PDE7B: variants seen among roughly 807,000 people sequenced by gnomAD.
PDE7B encodes phosphodiesterase 7B.
Under a neutral mutation model 56.2 loss-of-function variants are expected in PDE7B, and 29 were observed. The observed-to-expected ratio is 0.52, with a 90% CI of 0.38 to 0.70. The LOEUF is 0.70. Ranked by LOEUF, PDE7B falls within the 30% of genes least tolerant of loss-of-function variation. The pLI, the probability that PDE7B is intolerant of heterozygous loss-of-function variation, is 0.00. For missense variants in PDE7B, 490 were observed against 565.0 expected (o/e 0.87, Z 1.35); for synonymous variants, 197 against 196.9 (o/e 1.00, Z 0.00).
chr6:135,928,906 G>A (rs936565412), intron 1 of PDE7B, among the ~76,000 whole-genome samples: 1 of 151,976 alleles, frequency 6.6e-6, no homozygotes, highest in African/African-American at 2.4e-5. Flanking sequence ...CCAAACCTCA[G>A]CATCATGCAA....
intron 2 of PDE7B, among the ~76,000 whole-genome samples, chr6:136,005,791 G>A (rs201114102): frequency 2.0e-5 from 3 of 152,320 alleles, no homozygotes; most frequent in East Asian, 3.9e-4. Flanking sequence ...GTGGAAGTCA[G>A]TGTGGCGATT....
intron 1 of PDE7B, among the ~76,000 whole-genome samples, chr6:135,918,982 A>G (rs564875584): frequency 4.1e-4 from 62 of 152,328 alleles, no homozygotes; most frequent in African/African-American, 1.4e-3. Flanking sequence ...TGCCTTATGT[A>G]TTCATTTTAA....
chr6:135,890,069 T>C (rs1775784224), intron 1 of PDE7B, among the ~76,000 whole-genome samples: 1 of 152,160 alleles, frequency 6.6e-6, no homozygotes, highest in South Asian at 2.1e-4. Flanking sequence ...ACTTTTTATA[T>C]CAGTCTCAGT....
At chr6:135,883,755 C>T (rs1049560052) in intron 1 of PDE7B, among the ~76,000 whole-genome samples, 1 of 152,192 alleles carries the variant, frequency 6.6e-6, no homozygotes, top group Non-Finnish European at 1.5e-5. Context: ...CACTGAATGT[C>T]CTGCACTGAC....
rs753589864 is a variant in PDE7B at position 136,151,264 on chromosome 6, T to A, written c.478+9T>A. ...CTTACACCGATTTTTAGGTAAGTCC[T>A]TTTTTTCACATTTCTAGCCCCATTC... On this transcript the variant is annotated intron_variant, in intron 6 of 12. Transcript: ENST00000308191. 9 of 1,388,694 alleles carry A rather than the reference T, an allele frequency of 6.5e-6. No homozygotes were observed. The Admixed American group carries it at 1.5e-4, about 23-fold the overall frequency. The allele number at this position is 1,388,694 out of a possible 1,614,324, so 86.0% of individuals were successfully genotyped here.
intron 1 of PDE7B, among the ~76,000 whole-genome samples, chr6:135,905,175 C>T (rs1220644677): frequency 2.6e-5 from 4 of 152,136 alleles, no homozygotes; most frequent in African/African-American, 9.7e-5. Flanking sequence ...AATAAAAGAA[C>T]TAAAAAATCA....
chr6:135,970,774 G>A (rs2128202823), intron 2 of PDE7B, among the ~76,000 whole-genome samples: 1 of 152,306 alleles, frequency 6.6e-6, no homozygotes, highest in South Asian at 2.1e-4. Context: ...ACATTCGTCA[G>A]GGCTGGAAAT....
At position 135,877,752 on chromosome 6, in the gene PDE7B, C is replaced by CAAA. The variant is rs75061563; in HGVS notation, c.21+25746_21+25748dup. 8.3e-3 allele frequency among the ~76,000 whole-genome samples: 739 copies of CAAA among 89,090 alleles called. 8 individuals are homozygous for CAAA. The highest frequency in any genetic ancestry group is 0.02 in the African/African-American group (701 of 34,298). The allele number at this position is 89,090 out of a possible 152,430, so 58.4% of individuals were successfully genotyped here. ...AGACCTCCAGGAAAACAAAACAAAA[C>CAAA]AAAAAAAAAAAAAAAGGGAGGGGCA... On this transcript the variant is annotated intron_variant, in intron 1 of 12. Coordinates refer to ENST00000308191, the MANE Select transcript of PDE7B (RefSeq NM_018945.4).
At chr6:135,988,251 C>T (rs1036644820) in intron 2 of PDE7B, among the ~76,000 whole-genome samples, 47 of 151,842 alleles carry the variant, frequency 3.1e-4, no homozygotes, top group African/African-American at 9.7e-4. Flanking sequence ...AAGGATTTGA[C>T]GTCTCTGTGG....
chr6:136,061,977 G>A (rs1254777512), intron 2 of PDE7B, among the ~76,000 whole-genome samples: 1 of 152,194 alleles, frequency 6.6e-6, no homozygotes, highest in Non-Finnish European at 1.5e-5. Flanking sequence ...TCCTTATGGA[G>A]CGTGCGATCT....
intron 1 of PDE7B, among the ~76,000 whole-genome samples, chr6:135,906,809 T>TG (rs1491477306): frequency 7.3e-6 from 1 of 137,834 alleles, no homozygotes; most frequent in Non-Finnish European, 1.5e-5. Context: ...TAATGAGGTT[T>TG]GTTTTTTTTT....
At chr6:136,103,273 G>T (rs1777593740) in intron 2 of PDE7B, among the ~76,000 whole-genome samples, 1 of 152,138 alleles carries the variant, frequency 6.6e-6, no homozygotes, top group Non-Finnish European at 1.5e-5. Flanking sequence ...AGCCATCTTG[G>T]CTCCCTCCTG....
chr6:135,923,802 A>G (rs183713929), intron 1 of PDE7B, among the ~76,000 whole-genome samples: 1 of 152,314 alleles, frequency 6.6e-6, no homozygotes, highest in Admixed American at 6.5e-5. Flanking sequence ...TACTTGTAAA[A>G]TATGACAATG....
chr6:135,999,531 G>A (rs938188393), intron 2 of PDE7B, among the ~76,000 whole-genome samples: 1 of 151,982 alleles, frequency 6.6e-6, no homozygotes, highest in African/African-American at 2.4e-5. Context: ...TTCTGTTCCT[G>A]TGTTAGTTTG....
intron 2 of PDE7B, among the ~76,000 whole-genome samples, chr6:136,010,455 G>A (rs1775873111): frequency 6.7e-6 from 1 of 148,996 alleles, no homozygotes; most frequent in Non-Finnish European, 1.5e-5. Context: ...ACTCAGGCTG[G>A]AGTGCAGTGG....
chr6:135,890,660 A>C (rs1480462928), intron 1 of PDE7B, among the ~76,000 whole-genome samples: 1 of 152,190 alleles, frequency 6.6e-6, no homozygotes, highest in East Asian at 1.9e-4. Flanking sequence ...AGAATGTGGC[A>C]AGAGATCAAA....
At chr6:135,990,252 C>T (rs531102343) in intron 2 of PDE7B, among the ~76,000 whole-genome samples, 2 of 152,192 alleles carry the variant, frequency 1.3e-5, no homozygotes. Context: ...CCCGCCACCA[C>T]ACCCAGCTAA....
intron 3 of PDE7B, among the ~76,000 whole-genome samples, chr6:136,144,464 T>A (rs1778381156): frequency 2.0e-5 from 3 of 152,162 alleles, no homozygotes; most frequent in Admixed American, 2.0e-4. Context: ...TCAAATAATG[T>A]GTTTGGGGTA....
intron 3 of PDE7B, among the ~76,000 whole-genome samples, chr6:136,141,835 G>A (rs150301712): frequency 2.5e-3 from 374 of 152,144 alleles, no homozygotes; most frequent in African/African-American, 7.5e-3. Flanking sequence ...TTTTGATTGC[G>A]TCTATTTGAT....
Sources: gnomAD v4.1 joint callset for allele counts (sites outside exome capture counted in the v4.1 genomes callset) on GRCh38, gnomAD v4.1.1 for gene constraint, MANE v1.5 for transcripts, NCBI Gene and HGNC (gene_info 2026-07-23, HGNC 2026-07-21) for gene names.